The following NRG1 variants were observed in gnomAD, a reference collection of about 807,000 sequenced individuals.
NRG1 encodes the protein pro-neuregulin-1, membrane-bound isoform.
A neutral mutation model predicts 63.8 loss-of-function variants in NRG1; 18 were observed. The ratio of observed to expected loss-of-function variants is 0.28; its 90% CI spans 0.19 to 0.42. NRG1 has a LOEUF of 0.42. NRG1 is among the 10% of genes least tolerant of loss of function. The pLI, the probability that NRG1 is intolerant of heterozygous loss-of-function variation, is 1.00. For synonymous variants in NRG1, 302 were observed against 301.3 expected (o/e 1.00, Z -0.02); for missense variants, 762 against 814.7 (o/e 0.94, Z 0.79).
chr8:32,533,740 C>A (rs1185101312), intron 1 of NRG1, among the ~76,000 whole-genome samples: 3 of 151,992 alleles, frequency 2.0e-5, no homozygotes, highest in Non-Finnish European at 4.4e-5. Flanking sequence ...TATTCAGTAC[C>A]ATGAAAGTGA....
rs554188412 is a variant in NRG1, at chr8:32,531,348, A to G, written c.38-64480A>G. Reference sequence around the variant, plus strand: ...GAAAGTAAAATTCTAGTCACTTAAAATGCCTCCAAGAAAGTCACTGTTTTT... The same window carrying G: ...GAAAGTAAAATTCTAGTCACTTAAAGTGCCTCCAAGAAAGTCACTGTTTTT... On this transcript the variant is annotated intron_variant, in intron 1 of 10. Coordinates refer to the NRG1 transcript ENST00000519301. 1.6e-3 allele frequency among the ~76,000 whole-genome samples: 247 copies of G among 152,200 alleles called. 1 individual carries two copies. Among genetic ancestry groups the G allele is most frequent in the Non-Finnish European group, 2.6e-3 (175 of 67,990 alleles).
At chr8:32,646,855 T>C (rs1412107087) in intron 5 of NRG1, 3 of 981,624 alleles carry the variant, frequency 3.1e-6, no homozygotes, top group African/African-American at 1.8e-5. Flanking sequence ...CAGACCAGCC[T>C]GCAGCTCTAG....
intron 5 of NRG1, among the ~76,000 whole-genome samples, chr8:32,666,093 C>T (rs1264615729): frequency 1.3e-5 from 2 of 152,190 alleles, no homozygotes; most frequent in African/African-American, 4.8e-5. Context: ...TTTGCATTTG[C>T]ACCCAGATTC....
At chr8:31,894,742 G>T (rs1421769557) in intron 1 of NRG1, among the ~76,000 whole-genome samples, 3 of 151,910 alleles carry the variant, frequency 2.0e-5, no homozygotes, top group Admixed American at 6.6e-5. Context: ...AGTAGAGACG[G>T]AGTTTCACTG....
chr8:31,899,190 A>G (rs950767579), intron 1 of NRG1, among the ~76,000 whole-genome samples: 2 of 151,498 alleles, frequency 1.3e-5, no homozygotes, highest in Admixed American at 1.3e-4. Flanking sequence ...TGCAGCCTCA[A>G]CCTCCTGGGC....
intron 1 of NRG1, among the ~76,000 whole-genome samples, chr8:32,269,437 A>G (rs1476020743): frequency 2.6e-5 from 4 of 152,172 alleles, no homozygotes; most frequent in African/African-American, 9.7e-5. Flanking sequence ...AACGATTCTT[A>G]TTAACCTATT....
At chr8:32,075,287 A>G (rs1269732418) in intron 1 of NRG1, among the ~76,000 whole-genome samples, 2 of 75,348 alleles carry the variant, frequency 2.7e-5, no homozygotes, top group Non-Finnish European at 5.3e-5. Flanking sequence ...CAAGGAAGTT[A>G]TTAAGAATCA....
chr8:32,321,002 G>C (rs925492381), intron 1 of NRG1, among the ~76,000 whole-genome samples: 1 of 152,000 alleles, frequency 6.6e-6, no homozygotes, highest in African/African-American at 2.4e-5. Context: ...TGGTGGTGAG[G>C]GGAGAAATTA....
intron 1 of NRG1, among the ~76,000 whole-genome samples, chr8:32,001,805 GA>G (rs1325155137): frequency 1.3e-5 from 2 of 151,998 alleles, no homozygotes; most frequent in African/African-American, 4.8e-5. Context: ...TGCTATGCAT[GA>G]TATCAAGTAT....
chr8:32,428,197 G>A (rs1467384527), intron 1 of NRG1, among the ~76,000 whole-genome samples: 2 of 152,148 alleles, frequency 1.3e-5, no homozygotes, highest in Non-Finnish European at 2.9e-5. Flanking sequence ...TCCCATTTCG[G>A]TGGTAAAGCA....
chr8:31,693,839 T>C (rs759356171), intron 1 of NRG1, among the ~76,000 whole-genome samples: 5 of 152,118 alleles, frequency 3.3e-5, no homozygotes, highest in Admixed American at 6.5e-5. Context: ...ACTGTCTTTT[T>C]ATTACTGTTA....
At chr8:32,128,164 CATG>C (rs1834351745) in intron 1 of NRG1, among the ~76,000 whole-genome samples, 2 of 152,036 alleles carry the variant, frequency 1.3e-5, no homozygotes, top group South Asian at 4.1e-4. Flanking sequence ...TGGGAACTAA[CATG>C]AGGTGTTTTC....
chr8:32,128,510 C>T (rs910353374), intron 1 of NRG1, among the ~76,000 whole-genome samples: 1 of 151,894 alleles, frequency 6.6e-6, no homozygotes, highest in African/African-American at 2.4e-5. Context: ...GTCTACTTTC[C>T]TCTTCAGTTT....
chr8:32,048,293 A>C (rs1259319602), intron 1 of NRG1, among the ~76,000 whole-genome samples: 1 of 150,604 alleles, frequency 6.6e-6, no homozygotes, highest in Non-Finnish European at 1.5e-5. Flanking sequence ...ATACATGTAC[A>C]TATATATTCA....
intron 1 of NRG1, among the ~76,000 whole-genome samples, chr8:31,966,593 T>G (rs944244928): frequency 6.6e-6 from 1 of 152,202 alleles, no homozygotes. Context: ...CCACTACAAT[T>G]CACTGCACAG....
chr8:32,224,472 A>G (rs959539445), intron 1 of NRG1, among the ~76,000 whole-genome samples: 1 of 152,200 alleles, frequency 6.6e-6, no homozygotes, highest in East Asian at 1.9e-4. Flanking sequence ...CTGAGGATCA[A>G]GTGATCTTCC....
Position 32,384,266 on chromosome 8 carries a change from TAAAC to T in NRG1, c.38-211557_38-211554del, listed in dbSNP as rs563902890. On this transcript the variant is annotated intron_variant, in intron 1 of 10. Coordinates refer to the NRG1 transcript ENST00000519301. Reference sequence around the variant, plus strand: ...GACAATAATATTATAAATAAATAAATAAACAAACTGTAAATGGTACAAATATAAA... The same window carrying T: ...GACAATAATATTATAAATAAATAAATAAACTGTAAATGGTACAAATATAAA... 3.7e-3 allele frequency among the ~76,000 whole-genome samples: 563 copies of T among 152,086 alleles called. 3 individuals carry two copies. Among genetic ancestry groups the T allele is most frequent in the African/African-American group, 0.012 (513 of 41,478 alleles).
At chr8:32,229,047 T>TA (rs1164121720) in intron 1 of NRG1, among the ~76,000 whole-genome samples, 1 of 152,054 alleles carries the variant, frequency 6.6e-6, no homozygotes. Context: ...CAACTTGGTA[T>TA]AAAAAAAGCC....
intron 1 of NRG1, among the ~76,000 whole-genome samples, chr8:31,799,826 G>A (rs1446853112): frequency 6.6e-6 from 1 of 151,944 alleles, no homozygotes; most frequent in Non-Finnish European, 1.5e-5. Context: ...TACCGTCACA[G>A]CTCTGATCCT....
Sources: gnomAD v4.1 joint callset for allele counts (sites outside exome capture counted in the v4.1 genomes callset) on GRCh38, gnomAD v4.1.1 for gene constraint, MANE v1.5 for transcripts, NCBI Gene and HGNC (gene_info 2026-07-23, HGNC 2026-07-21) for gene names.